Variants in ARMC3 observed in about 807,000 individuals in gnomAD.
The protein encoded by ARMC3 is armadillo repeat-containing protein 3.
A neutral mutation model predicts 90.3 loss-of-function variants in ARMC3; 74 were observed. That is an observed-to-expected ratio of 0.82 (90% CI 0.68 to 0.99). The LOEUF (loss-of-function observed/expected upper bound fraction) is 0.99, where lower values mean the gene tolerates loss of function less well. Ranked by LOEUF, ARMC3 falls within the 50% of genes least tolerant of loss-of-function variation. ARMC3 has a pLI of 0.00. For missense variants in ARMC3, 958 were observed against 1,042.8 expected, an observed-to-expected ratio of 0.92 and a Z score of 1.12; for synonymous variants, 334 against 361.8, an observed-to-expected ratio of 0.92 and a Z score of 0.87.
At chr10:22,987,924 A>G (rs76917698) in intron 10 of ARMC3, among the ~76,000 whole-genome samples, 7 of 152,328 alleles carry the variant, frequency 4.6e-5, no homozygotes, top group Non-Finnish European at 8.8e-5. Flanking sequence ...AATACCAGAG[A>G]CAAAAAGCTC....
chr10:23,015,412 T>C (rs1838229686), intron 16 of ARMC3, among the ~76,000 whole-genome samples: 1 of 152,252 alleles, frequency 6.6e-6, no homozygotes, highest in African/African-American at 2.4e-5. Flanking sequence ...ATAGAGAACA[T>C]TTGAATGTAA....
At chr10:23,036,847 G>A (rs1190802126) in intron 18 of ARMC3, among the ~76,000 whole-genome samples, 4 of 152,156 alleles carry the variant, frequency 2.6e-5, no homozygotes, top group Admixed American at 6.5e-5. Flanking sequence ...CCCATGGCAC[G>A]CAGAATAGTT....
intron 16 of ARMC3, among the ~76,000 whole-genome samples, chr10:23,027,749 C>T (rs980470655): frequency 6.6e-6 from 1 of 152,086 alleles, no homozygotes; most frequent in African/African-American, 2.4e-5. Context: ...CTATACTGTA[C>T]CCTTTCTCTT....
In ARMC3 at chr10:22,994,617, T is replaced by TAAGTAGGGG. The variant is rs375099233; in HGVS notation, c.1176-3529_1176-3521dup. Among the ~76,000 whole-genome samples the TAAGTAGGGG allele has an allele frequency of 6.6e-3, 1,004 of 152,318 alleles. 9 individuals are homozygous for TAAGTAGGGG. Among genetic ancestry groups the TAAGTAGGGG allele is most frequent in the African/African-American group, 0.023 (965 of 41,578 alleles). On this transcript the variant is annotated intron_variant, in intron 10 of 18. Transcript: ENST00000298032. ...AAGCAATGGGAAACCGTGAAAGTTT[T>TAAGTAGGGG]AAGTAGGGGAGCAATATGATTATAA...
intron 10 of ARMC3, among the ~76,000 whole-genome samples, chr10:22,993,856 T>C (rs1836826157): frequency 6.6e-6 from 1 of 152,112 alleles, no homozygotes; most frequent in Non-Finnish European, 1.5e-5. Context: ...AGACATGAAA[T>C]CGCACAATAT....
rs749585455 is a variant in ARMC3 at position 22,981,355 on chromosome 10, T to C, written c.932T>C (p.Leu311Pro). The C allele has an allele frequency of 2.5e-6, 4 of 1,594,466 alleles. No individual in the cohort carries two copies. Among genetic ancestry groups the C allele is most frequent in the Admixed American group, 3.7e-5 (2 of 53,866 alleles). ...TGTATGAAAGCTGAAAATAGAAAAC[T>C]TTTTCATGAACAAGAGGTTGAAAAG... ...KAAYDPENRKLFHEQEVEKCL... is the reference protein window; with the variant it reads ...KAAYDPENRKPFHEQEVEKCL... Residue 311 changes from leucine to proline, a missense_variant, in exon 9 of 19, where the codon CTT becomes CCT. Coordinates refer to ENST00000298032, the MANE Select transcript of ARMC3 (RefSeq NM_173081.5).
intron 16 of ARMC3, among the ~76,000 whole-genome samples, chr10:23,027,465 T>C (rs1210374278): frequency 6.6e-6 from 1 of 152,214 alleles, no homozygotes; most frequent in East Asian, 1.9e-4. Context: ...TGAAACACAA[T>C]TGGTTTTTGT....
intron 7 of ARMC3, among the ~76,000 whole-genome samples, chr10:22,962,708 A>G (rs570033849): frequency 7.9e-5 from 12 of 152,362 alleles, no homozygotes; most frequent in African/African-American, 2.6e-4. Flanking sequence ...ACCTCTTAGA[A>G]ATTCCAGAGA....
intron 8 of ARMC3, 64 bp downstream of exon 8, chr10:22,968,553 G>T: frequency 7.1e-7 from 1 of 1,410,176 alleles, no homozygotes; most frequent in Non-Finnish European, 9.4e-7. Flanking sequence ...AGGCTGGAGT[G>T]CTGTGGCGTG....
At chr10:23,009,525 T>G (rs907041265) in intron 16 of ARMC3, among the ~76,000 whole-genome samples, 4 of 152,196 alleles carry the variant, frequency 2.6e-5, no homozygotes, top group African/African-American at 9.6e-5. Context: ...AGAGTCTCGC[T>G]CTGTCGCCCA....
chr10:22,963,172 TTG>T (rs554522375), intron 7 of ARMC3, among the ~76,000 whole-genome samples: 124 of 152,332 alleles, frequency 8.1e-4, no homozygotes, highest in African/African-American at 2.8e-3. Context: ...GTGGCAGGCA[TTG>T]TGATTTTATT....
At chr10:23,007,728 G>A (rs1296835768) in intron 14 of ARMC3, among the ~76,000 whole-genome samples, 4 of 149,990 alleles carry the variant, frequency 2.7e-5, no homozygotes, top group South Asian at 2.1e-4. Flanking sequence ...GAGAGAGAGC[G>A]AGAGATCGTG....
intron 16 of ARMC3, chr10:23,014,155 T>C (rs950899441): frequency 6.5e-7 from 1 of 1,537,072 alleles, no homozygotes; most frequent in Non-Finnish European, 8.7e-7. Context: ...AAGAGGATTG[T>C]TGGCATGAGG....
chr10:23,003,597 T>C (rs143882454), intron 13 of ARMC3, among the ~76,000 whole-genome samples, 183 bp downstream of exon 13: 292 of 152,364 alleles, frequency 1.9e-3, no homozygotes, highest in African/African-American at 6.7e-3. Context: ...TGTTCAGTTT[T>C]AACTAGAATC....
chr10:23,020,072 A>G (rs1209970113), intron 16 of ARMC3, among the ~76,000 whole-genome samples: 9 of 152,136 alleles, frequency 5.9e-5, no homozygotes. Context: ...TTGATTATGA[A>G]TAGAGCTGTT....
At chr10:22,960,941 A>G (rs1042348704) in intron 6 of ARMC3, 1 of 152,196 alleles carries the variant, frequency 6.6e-6, no homozygotes, top group African/African-American at 2.4e-5. Flanking sequence ...TCCTAAGGAC[A>G]CTAATTGCAC....
chr10:23,014,325 C>A, intron 16 of ARMC3: 3 of 1,379,760 alleles, frequency 2.2e-6, no homozygotes, highest in South Asian at 1.6e-5. Flanking sequence ...CAATGTGCGT[C>A]CCTTCTCTCT....
chr10:23,031,979 C>T (rs954967662), intron 17 of ARMC3, among the ~76,000 whole-genome samples: 8 of 152,038 alleles, frequency 5.3e-5, no homozygotes, highest in East Asian at 1.9e-4. Flanking sequence ...GGGCCAGGCA[C>T]GCTAGCTCAT....
Position 22,959,360 on chromosome 10 carries a change from G to A in ARMC3, c.362-39G>A, listed in dbSNP as rs369207359. ...TTTTAAAGTAGTGGCTGAATAATAA[G>A]CAGTTGGCATACTTGTGTTATTTAT... On this transcript the variant is annotated intron_variant, in intron 5 of 18. Transcript: ENST00000298032. 452 of 1,546,582 alleles carry A rather than the reference G, an allele frequency of 2.9e-4. 1 individual carries two copies. The Middle Eastern group carries it at 3.5e-3, about 12-fold the overall frequency.
Sources: allele counts gnomAD v4.1 joint callset (sites outside exome capture counted in the v4.1 genomes callset), GRCh38; gene constraint gnomAD v4.1.1; transcripts MANE v1.5; gene names NCBI Gene and HGNC (gene_info 2026-07-23, HGNC 2026-07-21).